The following HNRNPH3 variants were observed in gnomAD, a reference collection of about 807,000 sequenced individuals.
HNRNPH3 encodes the protein heterogeneous nuclear ribonucleoprotein 2H9.
A neutral mutation model predicts 47.0 loss-of-function variants in HNRNPH3; 7 were observed. The ratio of observed to expected loss-of-function variants is 0.15; its 90% confidence interval spans 0.08 to 0.28. The LOEUF is 0.28. Among genes scored for constraint, HNRNPH3 ranks in the 10% least tolerant of loss-of-function variants. HNRNPH3 has a pLI of 1.00. For missense variants in HNRNPH3, 279 were observed against 449.6 expected (o/e 0.62, Z 3.43); for synonymous variants, 120 against 143.2 (o/e 0.84, Z 1.16).
In HNRNPH3 at chr10:68,337,137, A is replaced by G. The variant is rs538555286; in HGVS notation, c.-23-62A>G. 7 of 775,468 alleles carry G rather than the reference A, an allele frequency of 9.0e-6. No homozygotes were observed. The highest frequency in any genetic ancestry group is 1.5e-5 in the Non-Finnish European group (7 of 462,488). The allele number at this position is 775,468 out of a possible 1,614,324, so 48.0% of individuals were successfully genotyped here. On this transcript the variant is annotated intron_variant, in intron 1 of 9. Transcript: ENST00000265866. This position sits in a 1 kb window ranked among gnomAD's most constrained non-coding sequence, Gnocchi z 4.5. ...TGGCACCTCTGAGAGGTGTTTCTTCATTACCTCTTGACAAGAGTATATTTT... is the reference window on the plus strand; with the variant it reads ...TGGCACCTCTGAGAGGTGTTTCTTCGTTACCTCTTGACAAGAGTATATTTT...
intron 9 of HNRNPH3, 47 bp from the exon 10 acceptor site, chr10:68,341,931 T>C: frequency 6.2e-7 from 1 of 1,600,520 alleles, no homozygotes; most frequent in South Asian, 1.1e-5. Context: ...TTTATTATTT[T>C]ATGCAGATAT....
In HNRNPH3 at chr10:68,335,253, G is replaced by A. The variant is rs564083112; in HGVS notation, c.-23-1946G>A. On this transcript the variant is annotated intron_variant, in intron 1 of 9. Transcript: ENST00000265866. ...TTCTTTTCTTTTTTTTTTTTTTTAA[G>A]CATTTGCTCCTTAAATGCAAATCGT... Among the ~76,000 whole-genome samples, 464 of 133,038 alleles carry A rather than the reference G, an allele frequency of 3.5e-3. 1 individual carries two copies. The highest frequency in any genetic ancestry group is 5.3e-3 in the Non-Finnish European group (332 of 63,040). The allele number at this position is 133,038 out of a possible 152,430, so 87.3% of individuals were successfully genotyped here. A position where few individuals can be genotyped will look rare whatever the true frequency, so the allele number is the denominator to read the frequency against.
At chr10:68,335,146 G>C (rs2045473905) in intron 1 of HNRNPH3, among the ~76,000 whole-genome samples, 1 of 151,782 alleles carries the variant, frequency 6.6e-6, no homozygotes. Context: ...CATTGGTACA[G>C]ACTGATCCAA....
chr10:68,333,970 G>C (rs1215336391), intron 1 of HNRNPH3, among the ~76,000 whole-genome samples: 1 of 152,052 alleles, frequency 6.6e-6, no homozygotes, highest in Non-Finnish European at 1.5e-5. Flanking sequence ...TAATTGGATT[G>C]GACTACACAT....
At chr10:68,335,031 G>A (rs1252714534) in intron 1 of HNRNPH3, among the ~76,000 whole-genome samples, 1 of 152,044 alleles carries the variant, frequency 6.6e-6, no homozygotes, top group Non-Finnish European at 1.5e-5. Context: ...TAGATTAAGT[G>A]TTCCGAGTTC....
chr10:68,342,224 G>T lies in HNRNPH3; in HGVS notation c.*170G>T. On this transcript the variant is annotated 3_prime_UTR_variant, in exon 10 of 10. Coordinates refer to ENST00000265866, the MANE Select transcript of HNRNPH3 (RefSeq NM_012207.3). Reference sequence around the variant, plus strand: ...TGTGATGGGAAAATGTTTTCTGTAGGTTTATTTGTTGCATACTTTGACTTA... The same window carrying T: ...TGTGATGGGAAAATGTTTTCTGTAGTTTTATTTGTTGCATACTTTGACTTA... 1.9e-6 allele frequency: 1 copy of T among 524,858 alleles called. No individual in the cohort carries two copies. Among genetic ancestry groups the T allele is most frequent in the Non-Finnish European group, 3.4e-6 (1 of 297,440 alleles). The allele number at this position is 524,858 out of a possible 1,614,324, so 32.5% of individuals were successfully genotyped here.
chr10:68,341,168 ATTTAG>A lies in HNRNPH3; in HGVS notation c.640-3_641del. 6.5e-7 allele frequency: 1 copy of A among 1,544,834 alleles called. No homozygotes were observed. The highest frequency in any genetic ancestry group is 8.7e-7 in the Non-Finnish European group (1 of 1,148,392). On this transcript the variant is annotated splice_acceptor_variant and splice_polypyrimidine_tract_variant and intron_variant, in intron 6 of 9. Transcript: ENST00000265866. LOFTEE classifies it high-confidence loss of function. Reference sequence around the variant, plus strand: ...GAAAAGTAAATAAGTGTTTCCTTTTATTTAGTTCTTCTCACCACTAAATCCAATAC... The same window carrying A: ...GAAAAGTAAATAAGTGTTTCCTTTTATTCTTCTCACCACTAAATCCAATAC...
At chr10:68,336,120 T>C (rs576989736) in intron 1 of HNRNPH3, among the ~76,000 whole-genome samples, 2 of 152,330 alleles carry the variant, frequency 1.3e-5, no homozygotes, top group South Asian at 4.1e-4. Context: ...GTGAATGCTG[T>C]TGATACGAAA....
At position 68,342,885 on chromosome 10, in the gene HNRNPH3, C is replaced by T. The variant is rs1397149465; in HGVS notation, c.*831C>T. The T allele has an allele frequency of 6.6e-6, 1 of 152,042 alleles. No homozygotes were observed. The highest frequency in any genetic ancestry group is 1.9e-4 in the East Asian group (1 of 5,188). 9.4% of individuals were successfully genotyped at this position (152,042 alleles called of 1,614,324 possible). On this transcript the variant is annotated 3_prime_UTR_variant, in exon 10 of 10. Transcript: ENST00000265866. The stretch of plus-strand genomic sequence containing the variant: ...ACAATTGTATTTTCAGTTTTCTGCC[C>T]AATAGAGTTTAAATAACTGTATAAA...
At chr10:68,341,346 A>C (rs1458813544) in intron 7 of HNRNPH3, 37 bp downstream of exon 7, 1 of 1,575,694 alleles carries the variant, frequency 6.3e-7, no homozygotes, top group Admixed American at 2.1e-5. Context: ...TTATTTCCTA[A>C]ACGTGAATTT....
chr10:68,338,253 A>G, intron 3 of HNRNPH3: 1 of 452,598 alleles, frequency 2.2e-6, no homozygotes, highest in Admixed American at 3.7e-5. Flanking sequence ...TTCCTTTAAA[A>G]CACCTATTAT....
At chr10:68,335,681 T>G (rs965817000) in intron 1 of HNRNPH3, among the ~76,000 whole-genome samples, 4 of 152,144 alleles carry the variant, frequency 2.6e-5, no homozygotes, top group Non-Finnish European at 5.9e-5. Flanking sequence ...GCAGGGCCCC[T>G]TAAAGTCCAG....
At position 68,337,789 on chromosome 10, in the gene HNRNPH3, A is replaced by G; in HGVS notation, c.113-69A>G. On this transcript the variant is annotated intron_variant, in intron 2 of 9. Transcript: ENST00000265866. This position sits in a 1 kb window ranked among gnomAD's most constrained non-coding sequence, Gnocchi z 4.5. ...TGTTTAGACTTGTTTTAAATATTTG[A>G]TTCAGATGGGAATGTTTCAGCCTTT... The G allele has an allele frequency of 7.6e-7, 1 of 1,324,484 alleles. No individual in the cohort carries two copies. The highest frequency in any genetic ancestry group is 1.5e-5 in the African/African-American group (1 of 68,836). 82.0% of individuals were successfully genotyped at this position (1,324,484 alleles called of 1,614,324 possible). A position where few individuals can be genotyped will look rare whatever the true frequency, so the allele number is the denominator to read the frequency against.
At chr10:68,331,763 A>C (rs1176233072), upstream of HNRNPH3, 2 of 152,358 alleles carry the variant, frequency 1.3e-5, no homozygotes, top group Non-Finnish European at 2.9e-5. Flanking sequence ...GGTTCCTTCT[A>C]CACACTGGCA....
At chr10:68,338,026 A>C in intron 3 of HNRNPH3, 30 bp downstream of exon 3, 1 of 1,543,206 alleles carries the variant, frequency 6.5e-7, no homozygotes, top group Non-Finnish European at 8.8e-7. Flanking sequence ...GATGGTGTTA[A>C]ATTTTTATTT....
intron 1 of HNRNPH3, among the ~76,000 whole-genome samples, chr10:68,335,319 CAG>C (rs2045487594): frequency 6.7e-6 from 1 of 150,322 alleles, no homozygotes; most frequent in African/African-American, 2.5e-5. Context: ...GTCGAATTTG[CAG>C]AGTTCTTCAA....
At chr10:68,335,442 T>TA (rs962528365) in intron 1 of HNRNPH3, among the ~76,000 whole-genome samples, 1 of 139,802 alleles carries the variant, frequency 7.2e-6, no homozygotes, top group Non-Finnish European at 1.6e-5. Flanking sequence ...AAAAAATAAA[T>TA]AAAACGGTAG....
In HNRNPH3 at chr10:68,342,992, C is replaced by G. The variant is rs3199937; in HGVS notation, c.*938C>G. ...CCTGCAGTTGGGTTTTGTATCTGATCCCTGCTTGGAGTTTTAGTTTAAAGA... is the reference window on the plus strand; with the variant it reads ...CCTGCAGTTGGGTTTTGTATCTGATGCCTGCTTGGAGTTTTAGTTTAAAGA... On this transcript the variant is annotated 3_prime_UTR_variant, in exon 10 of 10. Transcript: ENST00000265866. The G allele has an allele frequency of 6.6e-6, 1 of 152,038 alleles. No individual in the cohort carries two copies. The highest frequency in any genetic ancestry group is 2.4e-5 in the African/African-American group (1 of 41,406). The allele number at this position is 152,038 out of a possible 1,614,324, so 9.4% of individuals were successfully genotyped here.
rs917993908 is a variant in HNRNPH3, at chr10:68,337,779, T to C, written c.113-79T>C. ...TGTTTTGTTTTGTTTAGACTTGTTTTAAATATTTGATTCAGATGGGAATGT... is the reference window on the plus strand; with the variant it reads ...TGTTTTGTTTTGTTTAGACTTGTTTCAAATATTTGATTCAGATGGGAATGT... On this transcript the variant is annotated intron_variant, in intron 2 of 9. Coordinates refer to ENST00000265866, the MANE Select transcript of HNRNPH3 (RefSeq NM_012207.3). The surrounding 1 kb of genome is among the most constrained non-coding windows in gnomAD (Gnocchi z 4.5). 5 of 1,261,318 alleles carry C rather than the reference T, an allele frequency of 4.0e-6. No individual in the cohort carries two copies. In the African/African-American group the frequency reaches 5.9e-5, roughly 15 times the overall value. The allele number at this position is 1,261,318 out of a possible 1,614,324, so 78.1% of individuals were successfully genotyped here.
Sources: allele counts gnomAD v4.1 joint callset (sites outside exome capture counted in the v4.1 genomes callset), GRCh38; gene constraint gnomAD v4.1.1; non-coding constraint Gnocchi (gnomAD v3.1); transcripts MANE v1.5; gene names NCBI Gene and HGNC (gene_info 2026-07-23, HGNC 2026-07-21).